TTN: variants seen among roughly 807,000 people sequenced by gnomAD.
TTN encodes the protein titin.
In TTN, 1,525 loss-of-function variants were observed where a neutral mutation model predicts 3,223.0. The ratio of observed to expected loss-of-function variants is 0.47; its 90% confidence interval spans 0.45 to 0.49. TTN has a LOEUF of 0.49. Among genes scored for constraint, TTN ranks in the 20% least tolerant of loss-of-function variants. TTN has a pLI of 0.00. For missense variants in TTN, 40,786 were observed against 43,424.0 expected (o/e 0.94, Z 5.40); for synonymous variants, 14,094 against 15,161.0 (o/e 0.93, Z 5.17).
rs1332002805 is a variant in TTN at position 178,620,324 on chromosome 2, A to T, written c.46197T>A (p.Asp15399Glu). The change falls in exon 248 of 363, where the codon GAT (aspartate) becomes GAA (glutamate). Residue 15399 changes from aspartate to glutamate, a missense_variant. Physicochemically the swap from Asp to Glu is conservative, Grantham distance 45. Coordinates refer to ENST00000589042, the MANE Select transcript of TTN (RefSeq NM_001267550.2). ...APTEFVEHLE[D>E]QTVTEFDDAV... ...CGTCATCGAACTCAGTGACTGTCTG[A>T]TCTTCCAAGTGTTCCACAAATTCTG... The T allele has an allele frequency of 6.3e-7, 1 of 1,590,838 alleles. No individual in the cohort carries two copies. Among genetic ancestry groups the T allele is most frequent in the Non-Finnish European group, 8.6e-7 (1 of 1,167,222 alleles).
Position 178,711,273 on chromosome 2 carries a change from A to G in TTN, c.27963T>C (p.Asp9321=), listed in dbSNP as rs1357932662. 4 of 1,613,634 alleles carry G rather than the reference A, an allele frequency of 2.5e-6. No homozygotes were observed. The highest frequency in any genetic ancestry group is 4.5e-5 in the East Asian group (2 of 44,882). ...TAGGTTCTGATCCACTTATGGCACAATCAAAAACAACTGGCAGTCCAACTG... is the reference window on the plus strand; with the variant it reads ...TAGGTTCTGATCCACTTATGGCACAGTCAAAAACAACTGGCAGTCCAACTG... ...QETVGLPVVF[D]CAISGSEPIS... Residue 9321 remains aspartate (D), a synonymous_variant, in exon 97 of 363, where the codon GAT becomes GAC. Transcript: ENST00000589042.
rs146320691 is a variant in TTN, at chr2:178,585,484, T to G, written c.64397-137A>C. On this transcript the variant is annotated intron_variant, in intron 308 of 362. Coordinates refer to ENST00000589042, the MANE Select transcript of TTN (RefSeq NM_001267550.2). ...TATACTTTAAGTTCTGGGATACATA[T>G]GCAGAATGTGCAGGCTTGTTACATA... 1.4e-5 allele frequency: 12 copies of G among 876,100 alleles called. No homozygotes were observed. In the East Asian group the frequency reaches 3.2e-4, roughly 23 times the overall value. 54.3% of individuals were successfully genotyped at this position (876,100 alleles called of 1,614,324 possible).
chr2:178,574,454 T>A lies in TTN; in HGVS notation c.71678A>T (p.Asp23893Val), dbSNP rs1449843654. Residue 23893 changes from aspartate to valine, a missense_variant, in exon 326 of 363, where the codon GAT (aspartate) becomes GTT (valine). Asp to Val is a radical substitution (Grantham distance 152, BLOSUM62 -3). Transcript: ENST00000589042. ...GNIFKSSGLT[D>V]GIAYEFRVIA... ...CACCCGGAACTCATAAGCAATACCA[T>A]CTGTAAGTCCACTTGATTTGAAAAT... The A allele has an allele frequency of 7.4e-6, 12 of 1,613,618 alleles. No individual in the cohort carries two copies. The highest frequency in any genetic ancestry group is 1.0e-5 in the Non-Finnish European group (12 of 1,179,640).
At chr2:178,774,182 G>A (rs1170326562) in intron 30 of TTN, 25 bp downstream of exon 30, 1 of 1,614,122 alleles carries the variant, frequency 6.2e-7, no homozygotes, top group South Asian at 1.1e-5. Flanking sequence ...GCTCACTGCA[G>A]GCTGACAGGA....
At chr2:178,541,765 A>T (rs1694640130) in intron 349 of TTN, 181 bp from the exon 350 acceptor site, 1 of 371,616 alleles carries the variant, frequency 2.7e-6, no homozygotes, top group African/African-American at 2.1e-5. Context: ...TCATTTAATT[A>T]TTTAATTATT....
Position 178,608,038 on chromosome 2 carries a change from A to G in TTN, c.52749T>C (p.Ser17583=). The change falls in exon 276 of 363, where the codon TCT becomes TCC. Residue 17583 remains serine, a synonymous_variant. Transcript: ENST00000589042. ...GTTCCCATTCTAGTTCAATAGTTGT[A>G]GAGCTTGTGTCAGTGACTCTTGGGA... is the stretch of plus-strand genomic sequence containing the variant. ...PPIPRVTDTS[S]TTIELEWEPP... The G allele has an allele frequency of 6.2e-7, 1 of 1,612,734 alleles. No individual in the cohort carries two copies. The highest frequency in any genetic ancestry group is 8.5e-7 in the Non-Finnish European group (1 of 1,179,252).
chr2:178,629,519 A>G lies in TTN; in HGVS notation c.44282-76T>C, dbSNP rs1197170615. ...AAGAATAAATAGAGACTTAGATATG[A>G]ATCTTCATGGTTGCTTTCTTCAAGA... On this transcript the variant is annotated intron_variant, in intron 239 of 362. Transcript: ENST00000589042. 13 of 1,593,008 alleles carry G rather than the reference A, an allele frequency of 8.2e-6. 1 individual carries two copies. The East Asian group carries it at 1.4e-4, about 17-fold the overall frequency.
intron 295 of TTN, 55 bp from the exon 296 acceptor site, chr2:178,594,701 A>G: frequency 3.6e-6 from 5 of 1,374,726 alleles, no homozygotes; most frequent in Non-Finnish European, 4.0e-6. Flanking sequence ...TTAAGAATGT[A>G]GTAGGATGTA....
chr2:178,578,709 G>C lies in TTN; in HGVS notation c.68231C>G (p.Pro22744Arg), dbSNP rs1559481626. The change falls in exon 321 of 363, where the codon CCT becomes CGT. Residue 22744 changes from proline (P) to arginine (R), a missense_variant. Coordinates refer to ENST00000589042, the MANE Select transcript of TTN (RefSeq NM_001267550.2). ...AATATTGGGAGGTGGGGGAGCATCA[G>C]GCACATCTAGAAAAAAGTAGATAAT... ...PIVARHPFDV[P>R]DAPPPPNIVD... is the part of the protein sequence containing the mutation. 6.2e-7 allele frequency: 1 copy of C among 1,610,048 alleles called. No homozygotes were observed. Among genetic ancestry groups the C allele is most frequent in the Non-Finnish European group, 8.5e-7 (1 of 1,178,670 alleles).
At position 178,578,000 on chromosome 2, in the gene TTN, G is replaced by C; in HGVS notation, c.68515C>G (p.Leu22839Val). The change falls in exon 322 of 363, where the codon CTG becomes GTG. Residue 22839 changes from leucine (L) to valine (V), a missense_variant. Transcript: ENST00000589042. The stretch of plus-strand genomic sequence containing the variant: ...TATAATGACTTACCAATTGGGTCCA[G>C]TGCCACAACAGGCTCTGATGGTAGG... ...PSLPSEPVVA[L>V]DPIDPPGKPE... The C allele has an allele frequency of 6.2e-7, 1 of 1,612,854 alleles. No homozygotes were observed. Among genetic ancestry groups the C allele is most frequent in the Non-Finnish European group, 8.5e-7 (1 of 1,179,354 alleles).
rs1390008275 is a variant in TTN, at chr2:178,732,837, G to T, written c.16339C>A (p.Gln5447Lys). Residue 5447 changes from glutamine (Q) to lysine (K), a missense_variant, in exon 55 of 363, where the codon CAA becomes AAA. Coordinates refer to ENST00000589042, the MANE Select transcript of TTN (RefSeq NM_001267550.2). Reference protein sequence around the residue: ...SKDSSGALIVQEPPSFVTKPG... With the variant: ...SKDSSGALIVKEPPSFVTKPG... ...AAATGCAAAGTCTCCAGCCAACCTT[G>T]CACAATCAGGGCTCCACTGCTGTCT... 6.2e-7 allele frequency: 1 copy of T among 1,607,776 alleles called. No homozygotes were observed. The highest frequency in any genetic ancestry group is 2.2e-5 in the East Asian group (1 of 44,668).
At chr2:178,761,405 C>T (rs989450128) in intron 43 of TTN, among the ~76,000 whole-genome samples, 15 of 152,186 alleles carry the variant, frequency 9.9e-5, no homozygotes, top group African/African-American at 2.7e-4. Flanking sequence ...AAAACTTTAG[C>T]ACGGCCTTTG....
rs563010182 is a variant in TTN at position 178,667,485 on chromosome 2, T to C, written c.35670A>G (p.Ile11890Met). The change falls in exon 161 of 363, where the codon ATA (isoleucine) becomes ATG (methionine). Residue 11890 changes from isoleucine (I) to methionine (M), a missense_variant. Ile to Met is a conservative substitution (Grantham distance 10). Transcript: ENST00000589042. The stretch of plus-strand genomic sequence containing the variant: ...CTCTCTTTTTAGGAATAGTCACATA[T>C]ATTTTGTCTTCTGGAACAACTTTCT... ...PPKKVVPEDK[I>M]YVTIPKKRET... 5.0e-6 allele frequency: 8 copies of C among 1,599,374 alleles called. No individual in the cohort carries two copies. In the East Asian group the frequency reaches 8.9e-5, roughly 18 times the overall value.
At chr2:178,540,660 G>T (rs1693974695) in intron 350 of TTN, among the ~76,000 whole-genome samples, 1 of 152,096 alleles carries the variant, frequency 6.6e-6, no homozygotes, top group Non-Finnish European at 1.5e-5. Context: ...GCCATGCGTG[G>T]TGGCAGGCAC....
At chr2:178,711,376 ATACT>A in intron 96 of TTN, 27 bp from the exon 97 acceptor site, 1 of 1,535,812 alleles carries the variant, frequency 6.5e-7, no homozygotes, top group Non-Finnish European at 8.8e-7. Context: ...AAAGTAACAA[ATACT>A]TTAATTTACT....
Position 178,732,927 on chromosome 2 carries a change from T to TA in TTN, c.16248_16249insT (p.Ile5417TyrfsTer7). On this transcript the variant is annotated frameshift_variant, in exon 55 of 363. Transcript: ENST00000589042. LOFTEE classifies it high-confidence loss of function. ...CCTGCATCATTCATGTCTACTCTGA[T>TA]GATCTCCAAAGAGGCTGTGCCTTCC... 1.2e-6 allele frequency: 2 copies of TA among 1,613,584 alleles called. No homozygotes were observed. Among genetic ancestry groups the TA allele is most frequent in the Non-Finnish European group, 8.5e-7 (1 of 1,179,708 alleles).
chr2:178,532,450 G>A lies in TTN; in HGVS notation c.104165C>T (p.Thr34722Ile), dbSNP rs770151999. 38 of 1,613,936 alleles carry A rather than the reference G, an allele frequency of 2.4e-5. No homozygotes were observed. The highest frequency in any genetic ancestry group is 3.1e-5 in the Non-Finnish European group (37 of 1,179,856). Residue 34722 changes from threonine (T) to isoleucine (I), a missense_variant, in exon 358 of 363, where the codon ACA becomes ATA. By Grantham distance (89) the Thr-to-Ile change is moderately conservative. Transcript: ENST00000589042. ...GGTTGAATACCTGAAGTCTTTTCTTGTTTCCTCCACCTTGACATGAGCTTG... is the reference window on the plus strand; with the variant it reads ...GGTTGAATACCTGAAGTCTTTTCTTATTTCCTCCACCTTGACATGAGCTTG... Reference protein sequence around the residue: ...SPQAHVKVEETRKDFRYSTYH... With the variant: ...SPQAHVKVEEIRKDFRYSTYH...
rs2071528231 is a variant in TTN, at chr2:178,688,743, T to C, written c.32131A>G (p.Arg10711Gly). 6.2e-7 allele frequency: 1 copy of C among 1,613,454 alleles called. No homozygotes were observed. The highest frequency in any genetic ancestry group is 1.3e-5 in the African/African-American group (1 of 74,924). Reference sequence around the variant, plus strand: ...GATAGTTTTTCTTCAGCAACAAATCTCTTTTCTTCTACAACAGTTTTCTTA... The same window carrying C: ...GATAGTTTTTCTTCAGCAACAAATCCCTTTTCTTCTACAACAGTTTTCTTA... ...VSKKTVVEEK[R>G]FVAEEKLSFA... Residue 10711 changes from arginine to glycine, a missense_variant, in exon 126 of 363, where the codon AGA becomes GGA. Physicochemically the swap from Arg to Gly is moderately radical, Grantham distance 125. Transcript: ENST00000589042.
At chr2:178,669,776 C>T in intron 157 of TTN, 101 bp from the exon 158 acceptor site, 1 of 1,132,534 alleles carries the variant, frequency 8.8e-7, no homozygotes. Context: ...CGCCAAAAAC[C>T]CCTCAATTAT....
Sources: gnomAD v4.1 joint callset for allele counts (sites outside exome capture counted in the v4.1 genomes callset) on GRCh38, gnomAD v4.1.1 for gene constraint, MANE v1.5 for transcripts, NCBI Gene and HGNC (gene_info 2026-07-23, HGNC 2026-07-21) for gene names.